The following PCDHGA5 variants were observed in gnomAD, a reference collection of about 807,000 sequenced individuals.
The protein encoded by PCDHGA5 is protocadherin gamma subfamily A, 5, also known as protocadherin gamma-A5.
Under a neutral mutation model 56.7 loss-of-function variants are expected in PCDHGA5, and 36 were observed. That is an observed-to-expected ratio of 0.64 (90% CI 0.49 to 0.84). The LOEUF (loss-of-function observed/expected upper bound fraction) is 0.84, where lower values mean the gene tolerates loss of function less well. Among genes scored for constraint, PCDHGA5 ranks in the 40% least tolerant of loss-of-function variants. PCDHGA5 has a pLI of 0.00. For synonymous variants in PCDHGA5, 563 were observed against 520.2 expected (o/e 1.08, Z -1.12); for missense variants, 1,305 against 1,201.5 (o/e 1.09, Z -1.27).
chr5:141,468,868 AAATAAT>A (rs993655754), intron 1 of PCDHGA5, among the ~76,000 whole-genome samples: 1 of 151,794 alleles, frequency 6.6e-6, no homozygotes, highest in Non-Finnish European at 1.5e-5. Context: ...TCCATCTCAA[AAATAAT>A]AATAATAATA....
At position 141,487,152 on chromosome 5, in the gene PCDHGA5, C is replaced by T. The variant is rs772254681; in HGVS notation, c.2422-7655C>T. On this transcript the variant is annotated intron_variant, in intron 1 of 3. Coordinates refer to ENST00000518069, the MANE Select transcript of PCDHGA5 (RefSeq NM_018918.3). The surrounding 1 kb of genome is among the most constrained non-coding windows in gnomAD (Gnocchi z 5.0). ...AGTCCACCACTCTCTACCTCTGTTA[C>T]TCTCTTAGTGTCCTTAGAGGAAGAC... 3.7e-6 allele frequency: 6 copies of T among 1,613,860 alleles called. No homozygotes were observed. Among genetic ancestry groups the T allele is most frequent in the Non-Finnish European group, 5.1e-6 (6 of 1,179,828 alleles).
chr5:141,404,298 C>A, intron 1 of PCDHGA5: 3 of 1,613,868 alleles, frequency 1.9e-6, no homozygotes, highest in Non-Finnish European at 2.5e-6. Flanking sequence ...AATGATAATC[C>A]ACCTGCTTTC....
intron 1 of PCDHGA5, among the ~76,000 whole-genome samples, chr5:141,368,620 T>A (rs1220390721): frequency 1.3e-5 from 2 of 152,198 alleles, no homozygotes; most frequent in Non-Finnish European, 2.9e-5. Context: ...TTTGGGTACA[T>A]TTCTTCTGAG....
At position 141,364,632 on chromosome 5, in the gene PCDHGA5, T is replaced by C. The variant is rs377270205; in HGVS notation, c.302T>C (p.Leu101Pro). The C allele has an allele frequency of 1.1e-5, 17 of 1,614,024 alleles. No homozygotes were observed. The African/African-American group carries it at 2.3e-4, about 22-fold the overall frequency. ...DREELCAQSP[L>P]CVVNFNILVE... Reference sequence around the variant, plus strand: ...GAGGAGCTCTGCGCTCAGAGCCCACTGTGTGTGGTGAACTTTAACATCTTG... The same window carrying C: ...GAGGAGCTCTGCGCTCAGAGCCCACCGTGTGTGGTGAACTTTAACATCTTG... The change falls in exon 1 of 4, where the codon CTG becomes CCG. Residue 101 changes from leucine to proline, a missense_variant. Physicochemically the swap from Leu to Pro is moderately conservative, Grantham distance 98. Coordinates refer to ENST00000518069, the MANE Select transcript of PCDHGA5 (RefSeq NM_018918.3).
At chr5:141,399,378 C>T (rs368139061) in intron 1 of PCDHGA5, 1,186 of 1,613,874 alleles carry the variant, frequency 7.3e-4, no homozygotes, top group Non-Finnish European at 9.6e-4. Flanking sequence ...ACAATGTCAC[C>T]ATCACAGCCA....
At chr5:141,451,624 G>A (rs1016417101) in intron 1 of PCDHGA5, among the ~76,000 whole-genome samples, 3 of 152,150 alleles carry the variant, frequency 2.0e-5, no homozygotes, top group African/African-American at 7.2e-5. Context: ...GCTCAAACCT[G>A]TAATTCCAGC....
chr5:141,431,111 G>A lies in PCDHGA5; in HGVS notation c.2422-63696G>A, dbSNP rs2097343539. The A allele has an allele frequency of 1.9e-6, 3 of 1,614,110 alleles. No individual in the cohort carries two copies. Among genetic ancestry groups the A allele is most frequent in the Non-Finnish European group, 2.5e-6 (3 of 1,180,034 alleles). On this transcript the variant is annotated intron_variant, in intron 1 of 3. Coordinates refer to ENST00000518069, the MANE Select transcript of PCDHGA5 (RefSeq NM_018918.3). This position sits in a 1 kb window ranked among gnomAD's most constrained non-coding sequence, Gnocchi z 4.8. ...GATGGAGGATAAAGTGAAAATATAT[G>A]GAGTAGAAGTAGAAGTAAGGGACAT...
At chr5:141,402,812 C>A in intron 1 of PCDHGA5, 1 of 1,243,796 alleles carries the variant, frequency 8.0e-7, no homozygotes, top group Non-Finnish European at 1.1e-6. Flanking sequence ...GCAGATACCA[C>A]AAACCTGCTC....
chr5:141,422,467 G>A (rs1380910490), intron 1 of PCDHGA5: 1 of 1,613,664 alleles, frequency 6.2e-7, no homozygotes, highest in Non-Finnish European at 8.5e-7. Context: ...GCTGGACAGG[G>A]AGTTGGTCCA....
chr5:141,417,633 G>C, intron 1 of PCDHGA5: 1 of 712,146 alleles, frequency 1.4e-6, no homozygotes, highest in South Asian at 2.3e-5. Flanking sequence ...CGCTGACGCC[G>C]GGGATCCCTC....
chr5:141,494,820 AC>A lies in PCDHGA5; in HGVS notation c.2436del (p.Asn812LysfsTer39). 6.2e-7 allele frequency: 1 copy of A among 1,613,988 alleles called. No homozygotes were observed. The highest frequency in any genetic ancestry group is 2.2e-5 in the East Asian group (1 of 44,874). On this transcript the variant is annotated frameshift_variant, in exon 2 of 4. Coordinates refer to ENST00000518069, the MANE Select transcript of PCDHGA5 (RefSeq NM_018918.3). LOFTEE classifies it high-confidence loss of function. ...TTTTCTCCACAGCAAGCCCCGCCCA[AC>A]ACGGACTGGCGTTTCTCTCAGGCCC... ...EERRVQQAPP[N>X]TDWRFSQAQR...
At chr5:141,385,448 AC>A (rs1336219074) in intron 1 of PCDHGA5, 2 of 1,449,614 alleles carry the variant, frequency 1.4e-6, no homozygotes, top group Non-Finnish European at 9.1e-7. Flanking sequence ...AAATGAGTTT[AC>A]CAGTTTCCTT....
At chr5:141,370,501 C>T in intron 1 of PCDHGA5, 1 of 1,613,952 alleles carries the variant, frequency 6.2e-7, no homozygotes, top group Non-Finnish European at 8.5e-7. Flanking sequence ...ATCCGCTACG[C>T]TATTCCCGAG....
At chr5:141,419,543 G>T (rs573594140) in intron 1 of PCDHGA5, 1 of 1,612,106 alleles carries the variant, frequency 6.2e-7, no homozygotes, top group East Asian at 2.2e-5. Flanking sequence ...CGCACCGCGG[G>T]TGCTGTACCC....
chr5:141,492,360 G>A (rs2099739696), intron 1 of PCDHGA5, among the ~76,000 whole-genome samples: 1 of 152,190 alleles, frequency 6.6e-6, no homozygotes, highest in African/African-American at 2.4e-5. Context: ...CCACTCGCTC[G>A]CGGCCAGATT....
Position 141,476,656 on chromosome 5 carries a change from T to G in PCDHGA5, c.2422-18151T>G, listed in dbSNP as rs190269177. On this transcript the variant is annotated intron_variant, in intron 1 of 3. Transcript: ENST00000518069. The surrounding 1 kb of genome is among the most constrained non-coding windows in gnomAD (Gnocchi z 7.6). ...ATGAGCTGAGCCGAAATGAATACTTTGCGCTTCGCGTGCAGACGCGGGAGG... is the reference window on the plus strand; with the variant it reads ...ATGAGCTGAGCCGAAATGAATACTTGGCGCTTCGCGTGCAGACGCGGGAGG... The G allele has an allele frequency of 1.2e-6, 2 of 1,614,210 alleles. No individual in the cohort carries two copies. The highest frequency in any genetic ancestry group is 1.7e-6 in the Non-Finnish European group (2 of 1,180,044).
intron 1 of PCDHGA5, chr5:141,374,993 T>C: frequency 6.2e-7 from 1 of 1,614,056 alleles, no homozygotes; most frequent in Non-Finnish European, 8.5e-7. Flanking sequence ...AATTTCAACT[T>C]CTGCAAATCT....
At chr5:141,389,513 C>G (rs749432491) in intron 1 of PCDHGA5, 2 of 1,613,038 alleles carry the variant, frequency 1.2e-6, no homozygotes, top group African/African-American at 1.3e-5. Flanking sequence ...TCAGCGCGAA[C>G]GTGAGCCTGC....
At chr5:141,423,357 C>G in intron 1 of PCDHGA5, 1 of 1,614,214 alleles carries the variant, frequency 6.2e-7, no homozygotes. Context: ...TCTTTGTCAT[C>G]GTGCTGCTGG....
Sources: allele counts gnomAD v4.1 joint callset (sites outside exome capture counted in the v4.1 genomes callset), GRCh38; gene constraint gnomAD v4.1.1; non-coding constraint Gnocchi (gnomAD v3.1); transcripts MANE v1.5; gene names NCBI Gene and HGNC (gene_info 2026-07-23, HGNC 2026-07-21).